DLGAP2: variants seen among roughly 807,000 people sequenced by gnomAD.
DLGAP2 encodes the protein DLG associated protein 2.
Under a neutral mutation model 100.3 loss-of-function variants are expected in DLGAP2, and 26 were observed. The observed-to-expected ratio is 0.26, with a 90% CI of 0.19 to 0.36. The LOEUF is 0.36. Among genes scored for constraint, DLGAP2 ranks in the 10% least tolerant of loss-of-function variants. The pLI is 1.00. For synonymous variants in DLGAP2, 886 were observed against 630.1 expected (o/e 1.41, Z -6.08); for missense variants, 1,858 against 1,453.2 (o/e 1.28, Z -4.53).
intron 6 of DLGAP2, among the ~76,000 whole-genome samples, chr8:1,623,362 T>A (rs2130762273): frequency 6.6e-6 from 1 of 151,930 alleles, no homozygotes. Context: ...CTGTGCGTGA[T>A]GACCTGGAAC....
intron 3 of DLGAP2, among the ~76,000 whole-genome samples, chr8:1,286,751 C>T (rs1024835540): frequency 5.9e-5 from 9 of 152,228 alleles, no homozygotes; most frequent in African/African-American, 1.9e-4. Context: ...CTTCAAAGTG[C>T]ACCCTCTGTG....
intron 2 of DLGAP2, among the ~76,000 whole-genome samples, chr8:956,980 T>C (rs566336225): frequency 6.6e-6 from 1 of 152,362 alleles, no homozygotes; most frequent in South Asian, 2.1e-4. Flanking sequence ...TCTTACTAGA[T>C]TGCTCCAAGA....
chr8:1,689,406 C>T (rs1799198941), intron 12 of DLGAP2, among the ~76,000 whole-genome samples: 1 of 152,078 alleles, frequency 6.6e-6, no homozygotes, highest in African/African-American at 2.4e-5. Context: ...GTACGTAAAG[C>T]CACAGATTAA....
chr8:1,179,686 C>T (rs75942091), intron 2 of DLGAP2, among the ~76,000 whole-genome samples: 5,363 of 152,254 alleles, frequency 0.035, 127 homozygotes, highest in East Asian at 0.15. Flanking sequence ...ATATATTAAG[C>T]GACCCTGGAA....
At position 1,489,005 on chromosome 8, in the gene DLGAP2, T is replaced by C. The variant is rs372555902; in HGVS notation, c.107-12361T>C. Among the ~76,000 whole-genome samples the C allele has an allele frequency of 2.1e-4, 32 of 152,326 alleles. No homozygotes were observed. In the South Asian group the frequency reaches 5.6e-3, roughly 27 times the overall value. On this transcript the variant is annotated intron_variant, in intron 3 of 14. Transcript: ENST00000637795. ...TAGAACCCCACAGACTCAACTCGCA[T>C]TCAGCTTAAATAATCCGCACTGTTA... is the stretch of plus-strand genomic sequence containing the variant.
At chr8:1,523,070 G>A (rs1358976862) in intron 4 of DLGAP2, among the ~76,000 whole-genome samples, 1 of 152,228 alleles carries the variant, frequency 6.6e-6, no homozygotes, top group Non-Finnish European at 1.5e-5. Context: ...CCCAGGCTGG[G>A]AACCTGCAGA....
At chr8:1,175,590 A>G (rs1011282247) in intron 2 of DLGAP2, among the ~76,000 whole-genome samples, 2 of 152,236 alleles carry the variant, frequency 1.3e-5, no homozygotes, top group Non-Finnish European at 2.9e-5. Context: ...CAGTAGGAAC[A>G]TGACTAAATG....
intron 2 of DLGAP2, among the ~76,000 whole-genome samples, chr8:1,240,344 GTCATGTCTA>G (rs1798760121): frequency 1.3e-4 from 17 of 133,182 alleles, no homozygotes; most frequent in Admixed American, 2.3e-4. Flanking sequence ...CACACATAAC[GTCATGTCTA>G]GTTCTGTCTC....
At chr8:746,830 C>T (rs969069152) in intron 1 of DLGAP2, among the ~76,000 whole-genome samples, 1 of 152,244 alleles carries the variant, frequency 6.6e-6, no homozygotes, top group Admixed American at 6.5e-5. Context: ...CTGTGGCCTT[C>T]ACCATCCCGG....
At position 1,706,739 on chromosome 8, in the gene DLGAP2, T is replaced by C. The variant is rs1348685439; in HGVS notation, c.*5333T>C. 1.3e-5 allele frequency: 2 copies of C among 152,056 alleles called. No homozygotes were observed. The highest frequency in any genetic ancestry group is 2.9e-5 in the Non-Finnish European group (2 of 68,030). The allele number at this position is 152,056 out of a possible 1,614,324, so 9.4% of individuals were successfully genotyped here. ...AAAATGATGAAGGAAAAAAAATTAT[T>C]TGGAAGCCGAAAACCGCATGGGTGG... On this transcript the variant is annotated 3_prime_UTR_variant, in exon 15 of 15. Coordinates refer to ENST00000637795, the MANE Select transcript of DLGAP2 (RefSeq NM_001346810.2).
intron 2 of DLGAP2, among the ~76,000 whole-genome samples, chr8:931,922 C>T (rs1457042738): frequency 6.6e-6 from 1 of 152,164 alleles, no homozygotes; most frequent in Non-Finnish European, 1.5e-5. Flanking sequence ...GAGGAGTAAC[C>T]GAGGGGATGT....
intron 3 of DLGAP2, among the ~76,000 whole-genome samples, chr8:1,283,874 C>T (rs187485696): frequency 3.9e-5 from 6 of 152,342 alleles, no homozygotes; most frequent in Admixed American, 2.6e-4. Flanking sequence ...GATACAATCA[C>T]ACATAGCCCT....
chr8:829,140 C>G (rs1333448281), intron 1 of DLGAP2, among the ~76,000 whole-genome samples: 1 of 152,154 alleles, frequency 6.6e-6, no homozygotes, highest in Non-Finnish European at 1.5e-5. Context: ...CCATTTCTCC[C>G]TTAACTAGCA....
At chr8:1,697,764 G>A (rs904887963) in intron 14 of DLGAP2, among the ~76,000 whole-genome samples, 1 of 152,136 alleles carries the variant, frequency 6.6e-6, no homozygotes, top group Non-Finnish European at 1.5e-5. Flanking sequence ...TAGGCAAGGC[G>A]ACATTTTATA....
intron 3 of DLGAP2, among the ~76,000 whole-genome samples, chr8:1,448,430 G>C (rs1187528421): frequency 1.3e-5 from 2 of 152,172 alleles, no homozygotes; most frequent in Non-Finnish European, 2.9e-5. Context: ...CTTCCAGTTT[G>C]ATTGCACTGT....
At chr8:751,978 C>T (rs1434406151) in intron 1 of DLGAP2, among the ~76,000 whole-genome samples, 5 of 152,148 alleles carry the variant, frequency 3.3e-5, no homozygotes, top group Admixed American at 6.5e-5. Flanking sequence ...ACACTTTTTT[C>T]AGGCCCATTT....
intron 2 of DLGAP2, among the ~76,000 whole-genome samples, chr8:1,229,283 T>A (rs1017277187): frequency 2.0e-5 from 3 of 152,068 alleles, no homozygotes; most frequent in Non-Finnish European, 4.4e-5. Flanking sequence ...TTTTTTTTTT[T>A]GGAATAGTTT....
At chr8:1,631,379 C>G (rs575545445) in intron 7 of DLGAP2, among the ~76,000 whole-genome samples, 3 of 152,216 alleles carry the variant, frequency 2.0e-5, no homozygotes, top group Non-Finnish European at 4.4e-5. Flanking sequence ...ACGCTGTCTA[C>G]GATACATCTT....
In DLGAP2 at chr8:1,506,383, T is replaced by C. The variant is rs543060503; in HGVS notation, c.172+4952T>C. On this transcript the variant is annotated intron_variant, in intron 4 of 14. Transcript: ENST00000637795. ...GTCAAGAATGAAGCTGTGGACCTTT[T>C]GGGTGAGTGTCCGGAGTTTGTTCCT... Among the ~76,000 whole-genome samples, 311 of 152,340 alleles carry C rather than the reference T, an allele frequency of 2.0e-3. 2 individuals are homozygous for C. The highest frequency in any genetic ancestry group is 3.4e-3 in the Middle Eastern group (1 of 294).
Sources: gnomAD v4.1 joint callset for allele counts (sites outside exome capture counted in the v4.1 genomes callset) on GRCh38, gnomAD v4.1.1 for gene constraint, MANE v1.5 for transcripts, NCBI Gene and HGNC (gene_info 2026-07-23, HGNC 2026-07-21) for gene names.